The following PCCA variants were observed in gnomAD, a reference collection of about 807,000 sequenced individuals.
PCCA encodes the protein propionyl-CoA carboxylase alpha chain, mitochondrial.
Under a neutral mutation model 101.3 loss-of-function variants are expected in PCCA, and 74 were observed. That is an observed-to-expected ratio of 0.73 (90% confidence interval 0.61 to 0.89). The LOEUF is 0.89. Among genes scored for constraint, PCCA ranks in the 40% least tolerant of loss-of-function variants. The pLI is 0.00. For synonymous variants in PCCA, 294 were observed against 313.6 expected, an observed-to-expected ratio of 0.94 and a Z score of 0.66; for missense variants, 891 against 907.0, an observed-to-expected ratio of 0.98 and a Z score of 0.23.
chr13:100,271,141 G>A (rs2063286392), intron 11 of PCCA, among the ~76,000 whole-genome samples: 1 of 152,184 alleles, frequency 6.6e-6, no homozygotes, highest in Non-Finnish European at 1.5e-5. Flanking sequence ...GATCAAATAG[G>A]AGAAAGATAG....
intron 21 of PCCA, among the ~76,000 whole-genome samples, chr13:100,473,715 G>A (rs2083199345): frequency 6.6e-6 from 1 of 152,332 alleles, no homozygotes; most frequent in East Asian, 1.9e-4. Flanking sequence ...CCTGCTCCGA[G>A]AGTGATTGCA....
At chr13:100,493,197 C>T (rs1240565432) in intron 21 of PCCA, among the ~76,000 whole-genome samples, 2 of 152,246 alleles carry the variant, frequency 1.3e-5, no homozygotes, top group Non-Finnish European at 2.9e-5. Flanking sequence ...CGTGCTCTCC[C>T]TCCCATAAGG....
chr13:100,441,616 A>G (rs1235009447), intron 20 of PCCA, among the ~76,000 whole-genome samples: 1 of 152,240 alleles, frequency 6.6e-6, no homozygotes, highest in Non-Finnish European at 1.5e-5. Context: ...ATTGGAGCAG[A>G]CTATCAAAAT....
intron 21 of PCCA, among the ~76,000 whole-genome samples, chr13:100,509,893 G>T (rs527746989): frequency 1.3e-5 from 2 of 151,188 alleles, no homozygotes; most frequent in Admixed American, 1.3e-4. Context: ...CCTTGGGAAA[G>T]AATTTGTTTT....
chr13:100,157,247 T>C (rs1207355774), intron 5 of PCCA, 40 bp from the exon 6 acceptor site: 2 of 1,421,436 alleles, frequency 1.4e-6, no homozygotes, highest in African/African-American at 2.8e-5. Flanking sequence ...GCTTTTGCAA[T>C]ATGATAAAAT....
intron 7 of PCCA, among the ~76,000 whole-genome samples, chr13:100,228,651 A>G (rs1246898522): frequency 1.3e-5 from 2 of 152,018 alleles, no homozygotes; most frequent in Non-Finnish European, 1.5e-5. Flanking sequence ...TAATCCTAGC[A>G]CTTTGGGAGG....
At chr13:100,336,371 A>G (rs1164577011) in intron 17 of PCCA, among the ~76,000 whole-genome samples, 1 of 152,224 alleles carries the variant, frequency 6.6e-6, no homozygotes. Context: ...ACCACTCGGG[A>G]AATACACAGG....
intron 6 of PCCA, among the ~76,000 whole-genome samples, chr13:100,191,286 T>A (rs1355540469): frequency 6.6e-6 from 1 of 152,158 alleles, no homozygotes; most frequent in Non-Finnish European, 1.5e-5. Flanking sequence ...TGCACAGCAT[T>A]TTACCGCAGA....
chr13:100,267,162 A>G (rs1037064821), intron 10 of PCCA, among the ~76,000 whole-genome samples: 10 of 152,114 alleles, frequency 6.6e-5, no homozygotes, highest in Non-Finnish European at 1.5e-4. Flanking sequence ...TATTTCTGAG[A>G]ATTCTTGGTT....
chr13:100,509,999 C>G (rs1338789324), intron 21 of PCCA, among the ~76,000 whole-genome samples: 1 of 152,154 alleles, frequency 6.6e-6, no homozygotes, highest in African/African-American at 2.4e-5. Flanking sequence ...GGAGCTCTGA[C>G]TATTGAAAAC....
At chr13:100,153,610 T>C (rs1243959468) in intron 4 of PCCA, among the ~76,000 whole-genome samples, 4 of 151,962 alleles carry the variant, frequency 2.6e-5, no homozygotes, top group African/African-American at 4.8e-5. Flanking sequence ...CAGAGGGCAA[T>C]AGGGCAATAG....
chr13:100,305,251 A>G (rs574489243), intron 14 of PCCA, among the ~76,000 whole-genome samples: 13 of 152,338 alleles, frequency 8.5e-5, no homozygotes, highest in African/African-American at 2.6e-4. Context: ...TTTAAAGTTA[A>G]GATGACATAA....
At chr13:100,422,069 CTTTTCTTTCTTTCTTTCTT>C (rs1166945211) in intron 19 of PCCA, among the ~76,000 whole-genome samples, 1 of 47,354 alleles carries the variant, frequency 2.1e-5, no homozygotes, top group Admixed American at 2.3e-4. Flanking sequence ...CTTCTCTTTT[CTTTTCTTTCTTTCTTTCTT>C]TCTTTCTTTC....
At position 100,463,334 on chromosome 13, in the gene PCCA, T is replaced by C. The variant is rs375177951; in HGVS notation, c.1899+14029T>C. On this transcript the variant is annotated intron_variant, in intron 21 of 23. Coordinates refer to ENST00000376285, the MANE Select transcript of PCCA (RefSeq NM_000282.4). ...TCAGAGGTGGTTGGTTTTATTGGTG[T>C]GGTTTTTTTTTTTTTTTTTTTTTTT... 8.7e-3 allele frequency among the ~76,000 whole-genome samples: 1,065 copies of C among 121,762 alleles called. 19 individuals are homozygous for C. The highest frequency in any genetic ancestry group is 0.034 in the African/African-American group (1,036 of 30,260). 79.9% of individuals were successfully genotyped at this position (121,762 alleles called of 152,430 possible).
At chr13:100,407,075 T>C (rs1286866905) in intron 19 of PCCA, among the ~76,000 whole-genome samples, 1 of 152,228 alleles carries the variant, frequency 6.6e-6, no homozygotes, top group Non-Finnish European at 1.5e-5. Flanking sequence ...ACAAAGAAGT[T>C]CGGTTATCTC....
intron 12 of PCCA, among the ~76,000 whole-genome samples, chr13:100,289,469 C>A (rs1240757890): frequency 3.3e-5 from 5 of 152,090 alleles, no homozygotes; most frequent in Non-Finnish European, 7.4e-5. Context: ...TTTCTAAGAA[C>A]CTAATCCAAC....
intron 21 of PCCA, among the ~76,000 whole-genome samples, chr13:100,464,284 C>A (rs1029234712): frequency 6.6e-6 from 1 of 152,150 alleles, no homozygotes; most frequent in South Asian, 2.1e-4. Flanking sequence ...TCGCAGATCA[C>A]CTGTCTCTTA....
At chr13:100,514,410 A>C (rs969728433) in intron 21 of PCCA, among the ~76,000 whole-genome samples, 1 of 152,170 alleles carries the variant, frequency 6.6e-6, no homozygotes, top group Non-Finnish European at 1.5e-5. Context: ...TGCCCACAGG[A>C]GGCTTTGAGT....
intron 18 of PCCA, among the ~76,000 whole-genome samples, chr13:100,350,468 C>T (rs964064504): frequency 3.3e-5 from 5 of 152,190 alleles, no homozygotes. Flanking sequence ...AAAACATTAA[C>T]TCAATCATTA....
Sources: gnomAD v4.1 joint callset for allele counts (sites outside exome capture counted in the v4.1 genomes callset) on GRCh38, gnomAD v4.1.1 for gene constraint, MANE v1.5 for transcripts, NCBI Gene and HGNC (gene_info 2026-07-23, HGNC 2026-07-21) for gene names.